Variants in DGKB observed in about 807,000 individuals in gnomAD.
The protein encoded by DGKB is diacylglycerol kinase beta.
DGKB carries 67 observed loss-of-function variants against 114.3 expected under a neutral mutation model. That is an observed-to-expected ratio of 0.59 (90% CI 0.48 to 0.72). The LOEUF is 0.72. DGKB is among the 30% of genes least tolerant of loss of function. DGKB has a pLI of 0.00. For missense variants in DGKB, 907 were observed against 975.2 expected, an observed-to-expected ratio of 0.93 and a Z score of 0.93; for synonymous variants, 398 against 323.1, an observed-to-expected ratio of 1.23 and a Z score of -2.49.
intron 20 of DGKB, among the ~76,000 whole-genome samples, chr7:14,523,070 G>C (rs182429585): frequency 6.6e-6 from 1 of 151,990 alleles, no homozygotes; most frequent in Non-Finnish European, 1.5e-5. Context: ...CATAGCTGTT[G>C]GTTATAAAAT....
chr7:14,965,972 C>T (rs1230330024), intron 1 of DGKB, among the ~76,000 whole-genome samples: 3 of 151,886 alleles, frequency 2.0e-5, no homozygotes, highest in African/African-American at 4.8e-5. Context: ...AAATCTGATA[C>T]CCTGGTTGGA....
chr7:14,969,961 A>G (rs1295852958), intron 1 of DGKB, among the ~76,000 whole-genome samples: 2 of 152,046 alleles, frequency 1.3e-5, no homozygotes, highest in African/African-American at 2.4e-5. Context: ...ACTATAGAAA[A>G]TTTTCATTTT....
intron 21 of DGKB, among the ~76,000 whole-genome samples, chr7:14,453,638 G>A (rs894730613): frequency 6.6e-5 from 10 of 151,876 alleles, no homozygotes; most frequent in African/African-American, 1.7e-4. Context: ...GTAATTTTTC[G>A]AACACTTTCT....
At chr7:14,878,817 A>G (rs1166781577) in intron 1 of DGKB, among the ~76,000 whole-genome samples, 2 of 151,480 alleles carry the variant, frequency 1.3e-5, no homozygotes, top group Non-Finnish European at 2.9e-5. Context: ...ATATCATGTG[A>G]TTTATTAAAA....
chr7:14,540,309 A>G lies in DGKB; in HGVS notation c.1770+33903T>C, dbSNP rs192234986. Reference sequence around the variant, plus strand: ...GCTGGTCTTTTCCTTGCCTTTGGCAAAAATAATAATAATTTATATTGTAAA... The same window carrying G: ...GCTGGTCTTTTCCTTGCCTTTGGCAGAAATAATAATAATTTATATTGTAAA... On this transcript the variant is annotated intron_variant, in intron 20 of 25. Coordinates refer to ENST00000402815, the MANE Select transcript of DGKB (RefSeq NM_001350709.2). Among the ~76,000 whole-genome samples the G allele has an allele frequency of 1.7e-3, 254 of 152,256 alleles. 1 individual carries two copies. The highest frequency in any genetic ancestry group is 5.9e-3 in the African/African-American group (244 of 41,578).
At chr7:14,478,408 TC>T (rs1341384619) in intron 20 of DGKB, among the ~76,000 whole-genome samples, 183 bp from the exon 21 acceptor site, 1 of 152,052 alleles carries the variant, frequency 6.6e-6, no homozygotes, top group African/African-American at 2.4e-5. Context: ...TTTATGTAAT[TC>T]TATGCAGAAG....
chr7:14,365,626 A>G (rs1196803066), intron 21 of DGKB, among the ~76,000 whole-genome samples: 2 of 152,202 alleles, frequency 1.3e-5, no homozygotes, highest in East Asian at 3.9e-4. Context: ...GACCTGGTAA[A>G]GAAGAGGTAT....
intron 21 of DGKB, among the ~76,000 whole-genome samples, chr7:14,353,092 A>G (rs1007817715): frequency 6.6e-6 from 1 of 152,194 alleles, no homozygotes; most frequent in African/African-American, 2.4e-5. Flanking sequence ...GATGCTTCCA[A>G]CATTTCATGG....
chr7:14,409,533 C>T (rs1187343786), intron 21 of DGKB, among the ~76,000 whole-genome samples: 1 of 50,922 alleles, frequency 2.0e-5, no homozygotes, highest in African/African-American at 5.5e-5. Context: ...AGGTGAAACC[C>T]CGTCTCTACT....
chr7:14,424,466 T>C (rs1259464350), intron 21 of DGKB, among the ~76,000 whole-genome samples: 1 of 152,016 alleles, frequency 6.6e-6, no homozygotes, highest in African/African-American at 2.4e-5. Flanking sequence ...CCACCCTATA[T>C]AAAAGAGTTA....
At chr7:14,971,556 T>A (rs908684807) in intron 1 of DGKB, among the ~76,000 whole-genome samples, 1 of 152,012 alleles carries the variant, frequency 6.6e-6, no homozygotes, top group Non-Finnish European at 1.5e-5. Context: ...GGCAAGACAG[T>A]CAATTGAATT....
At chr7:14,502,615 T>C (rs184871329) in intron 20 of DGKB, among the ~76,000 whole-genome samples, 1 of 152,228 alleles carries the variant, frequency 6.6e-6, no homozygotes, top group Admixed American at 6.5e-5. Flanking sequence ...GTTTACAAGT[T>C]GGAGTCTTAA....
intron 23 of DGKB, among the ~76,000 whole-genome samples, chr7:14,278,078 A>C (rs1322626119): frequency 6.6e-6 from 1 of 152,196 alleles, no homozygotes; most frequent in East Asian, 1.9e-4. Context: ...CTTTTCAGAA[A>C]TGTCTACAGA....
At chr7:14,588,847 A>C (rs1347990353) in intron 17 of DGKB, among the ~76,000 whole-genome samples, 1 of 152,062 alleles carries the variant, frequency 6.6e-6, no homozygotes, top group Non-Finnish European at 1.5e-5. Context: ...GGCATGAAGA[A>C]TCTTACCAAT....
intron 21 of DGKB, among the ~76,000 whole-genome samples, chr7:14,451,792 C>A (rs772814006): frequency 6.6e-6 from 1 of 152,046 alleles, no homozygotes; most frequent in African/African-American, 2.4e-5. Flanking sequence ...TTTTAATGAA[C>A]AAGATCAGCT....
chr7:14,206,105 G>A (rs531292711), intron 23 of DGKB, among the ~76,000 whole-genome samples: 26 of 152,072 alleles, frequency 1.7e-4, no homozygotes, highest in Admixed American at 3.3e-4. Context: ...TTACTGAAAT[G>A]AGCTATACAG....
At chr7:14,896,242 A>T (rs1312859887) in intron 1 of DGKB, among the ~76,000 whole-genome samples, 2 of 151,742 alleles carry the variant, frequency 1.3e-5, no homozygotes, top group African/African-American at 4.8e-5. Context: ...GAGGAGAAAG[A>T]ATGAAAGACC....
At chr7:14,221,346 C>A (rs934348939) in intron 23 of DGKB, among the ~76,000 whole-genome samples, 4 of 150,982 alleles carry the variant, frequency 2.6e-5, no homozygotes, top group African/African-American at 9.7e-5. Flanking sequence ...GTTGAGTACT[C>A]TCTATTTCTA....
At chr7:14,802,686 T>A (rs910910825) in intron 2 of DGKB, among the ~76,000 whole-genome samples, 1 of 152,118 alleles carries the variant, frequency 6.6e-6, no homozygotes, top group East Asian at 1.9e-4. Context: ...CACAAAGATT[T>A]AACAAATGTT....
Sources: allele counts gnomAD v4.1 joint callset (sites outside exome capture counted in the v4.1 genomes callset), GRCh38; gene constraint gnomAD v4.1.1; transcripts MANE v1.5; gene names NCBI Gene and HGNC (gene_info 2026-07-23, HGNC 2026-07-21).